Variants in WSCD2 observed in about 807,000 individuals in gnomAD.
WSCD2 encodes WSC domain sialate O sulfotransferase 2.
A neutral mutation model predicts 55.7 loss-of-function variants in WSCD2; 28 were observed. The ratio of observed to expected loss-of-function variants is 0.50; its 90% CI spans 0.37 to 0.69. The LOEUF (loss-of-function observed/expected upper bound fraction) is 0.69, where lower values mean the gene tolerates loss of function less well. Among genes scored for constraint, WSCD2 ranks in the 30% least tolerant of loss-of-function variants. The pLI is 0.00. For missense variants in WSCD2, 616 were observed against 762.1 expected, an observed-to-expected ratio of 0.81 and a Z score of 2.26; for synonymous variants, 301 against 301.9, an observed-to-expected ratio of 1.00 and a Z score of 0.03.
At chr12:108,135,117 C>T (rs1185880538) in intron 1 of WSCD2, among the ~76,000 whole-genome samples, 3 of 151,560 alleles carry the variant, frequency 2.0e-5, no homozygotes. Context: ...TTTCTTCAGC[C>T]ATCCATCCTT....
At chr12:108,163,852 T>C (rs529341255) in intron 1 of WSCD2, among the ~76,000 whole-genome samples, 1 of 151,278 alleles carries the variant, frequency 6.6e-6, no homozygotes, top group East Asian at 1.9e-4. Context: ...AATGAACTTA[T>C]GTTTTTTTAA....
chr12:108,205,712 T>C (rs1885277914), intron 2 of WSCD2, among the ~76,000 whole-genome samples: 1 of 152,202 alleles, frequency 6.6e-6, no homozygotes, highest in African/African-American at 2.4e-5. Context: ...GGTAGAAACT[T>C]TTACATAAAT....
intron 4 of WSCD2, among the ~76,000 whole-genome samples, chr12:108,212,322 G>A (rs73199543): frequency 0.015 from 2,278 of 152,182 alleles, 16 homozygotes; most frequent in Non-Finnish European, 0.022. Context: ...TGAAAGTCAG[G>A]GATATTTATA....
At position 108,210,197 on chromosome 12, in the gene WSCD2, G is replaced by A. The variant is rs767974582; in HGVS notation, c.574G>A (p.Glu192Lys). The change falls in exon 4 of 9, where the codon GAG becomes AAG. Residue 192 changes from glutamate to lysine, a missense_variant. Physicochemically the swap from Glu to Lys is moderately conservative, Grantham distance 56 (BLOSUM62 1). This residue lies in a region of WSCD2 where 374 missense variants were observed against 467.4 expected (regional missense o/e 0.80). Coordinates refer to ENST00000547525, the MANE Select transcript of WSCD2 (RefSeq NM_014653.4). The surrounding 1 kb of genome is among the most constrained non-coding windows in gnomAD (Gnocchi z 4.3). ...GHKIQATNVSEAECDMECKGE... is the reference protein window; with the variant it reads ...GHKIQATNVSKAECDMECKGE... ...CAAGATCCAGGCGACGAACGTGAGC[G>A]AGGCAGAGTGCGACATGGAGTGCAA... The A allele has an allele frequency of 6.2e-6, 10 of 1,614,074 alleles. No homozygotes were observed. Among genetic ancestry groups the A allele is most frequent in the East Asian group, 2.2e-5 (1 of 44,876 alleles).
intron 1 of WSCD2, 108 bp downstream of exon 1, chr12:108,130,034 C>T (rs1306540875): frequency 6.6e-6 from 1 of 152,316 alleles, no homozygotes; most frequent in South Asian, 2.1e-4. Flanking sequence ...GCTTTCCAGA[C>T]GCTTCCCCGC....
chr12:108,231,175 G>A (rs1888707924), intron 6 of WSCD2, among the ~76,000 whole-genome samples: 1 of 152,090 alleles, frequency 6.6e-6, no homozygotes, highest in African/African-American at 2.4e-5. Context: ...GGGAGGTGAG[G>A]GAGGTTTGCC....
At chr12:108,179,706 T>C (rs1184817881) in intron 1 of WSCD2, among the ~76,000 whole-genome samples, 2 of 152,092 alleles carry the variant, frequency 1.3e-5, no homozygotes, top group Non-Finnish European at 2.9e-5. Context: ...GCCACTAAAA[T>C]CCCTCTGGAG....
intron 1 of WSCD2, among the ~76,000 whole-genome samples, chr12:108,176,909 T>A: frequency 6.6e-6 from 1 of 152,168 alleles, no homozygotes; most frequent in South Asian, 2.1e-4. Flanking sequence ...GTGAAAGCGA[T>A]TAGAAGTGAC....
chr12:108,165,535 C>T (rs1879519022), intron 1 of WSCD2, among the ~76,000 whole-genome samples: 1 of 152,170 alleles, frequency 6.6e-6, no homozygotes, highest in Non-Finnish European at 1.5e-5. Flanking sequence ...CCAGTCTACT[C>T]AGCATTTTGT....
intron 1 of WSCD2, among the ~76,000 whole-genome samples, chr12:108,176,603 T>A (rs1032796690): frequency 6.6e-6 from 1 of 152,252 alleles, no homozygotes; most frequent in African/African-American, 2.4e-5. Flanking sequence ...AAAGTTGCTA[T>A]AAATATTTGC....
chr12:108,240,386 T>A lies in WSCD2; in HGVS notation c.1187T>A (p.Ile396Asn). Residue 396 changes from isoleucine to asparagine, a missense_variant, in exon 8 of 9, where the codon ATC becomes AAC. Ile to Asn is a moderately radical substitution (Grantham distance 149). Around this residue, in one of 3 missense-constraint regions of WSCD2, gnomAD observed 234 missense variants for 264.6 expected, o/e 0.88. Coordinates refer to ENST00000547525, the MANE Select transcript of WSCD2 (RefSeq NM_014653.4). ...ERDHWRSGRT[I>N]CIKTHESGQK... is the part of the protein sequence containing the mutation. ...GACCACTGGCGCAGCGGACGGACCA[T>A]CTGCATCAAGACGCACGAAAGCGGC... 6.2e-7 allele frequency: 1 copy of A among 1,614,122 alleles called. No individual in the cohort carries two copies. Among genetic ancestry groups the A allele is most frequent in the Non-Finnish European group, 8.5e-7 (1 of 1,180,026 alleles).
chr12:108,170,170 A>C (rs1880087260), intron 1 of WSCD2, among the ~76,000 whole-genome samples: 1 of 87,060 alleles, frequency 1.1e-5, no homozygotes. Context: ...CTTCCAAACA[A>C]GAACCACCTT....
intron 3 of WSCD2, among the ~76,000 whole-genome samples, chr12:108,208,793 T>C (rs1442349291): frequency 6.6e-6 from 1 of 152,230 alleles, no homozygotes; most frequent in African/African-American, 2.4e-5. Context: ...TCTACATTCA[T>C]TCTATGAATG....
intron 1 of WSCD2, among the ~76,000 whole-genome samples, chr12:108,147,165 A>T (rs1320027139): frequency 6.6e-6 from 1 of 152,198 alleles, no homozygotes; most frequent in African/African-American, 2.4e-5. Flanking sequence ...AGAAGCTCTG[A>T]TGCCCACCTG....
chr12:108,247,923 A>G (rs1393003855), intron 8 of WSCD2, 68 bp from the exon 9 acceptor site: 1 of 1,519,916 alleles, frequency 6.6e-7, no homozygotes, highest in Non-Finnish European at 9.0e-7. Flanking sequence ...AACCACTGCC[A>G]GCACCATCTG....
chr12:108,248,586 G>A lies in WSCD2; in HGVS notation c.*243G>A. The A allele has an allele frequency of 7.7e-7, 1 of 1,306,690 alleles. No homozygotes were observed. The highest frequency in any genetic ancestry group is 2.1e-5 in the South Asian group (1 of 47,394). The allele number at this position is 1,306,690 out of a possible 1,614,324, so 80.9% of individuals were successfully genotyped here. On this transcript the variant is annotated 3_prime_UTR_variant, in exon 9 of 9. Transcript: ENST00000547525. The surrounding 1 kb of genome is among the most constrained non-coding windows in gnomAD (Gnocchi z 4.3). ...CAATGTGGGGCATCTTGTTTAGGGGGTTCTAGTTACATGGACTCTTTTCTG... is the reference window on the plus strand; with the variant it reads ...CAATGTGGGGCATCTTGTTTAGGGGATTCTAGTTACATGGACTCTTTTCTG...
rs3940422 is a variant in WSCD2 at position 108,205,864 on chromosome 12, A to G, written c.383-425A>G. Among the ~76,000 whole-genome samples, 1,226 of 152,350 alleles carry G rather than the reference A, an allele frequency of 8.0e-3. 17 individuals are homozygous for G. The highest frequency in any genetic ancestry group is 0.028 in the African/African-American group (1,184 of 41,580). On this transcript the variant is annotated intron_variant, in intron 2 of 8. Transcript: ENST00000547525. The stretch of plus-strand genomic sequence containing the variant: ...GAAATGAGGACCTAGACCTTGAGAT[A>G]GCTAAGTCCAGGGCACTTTCCAAAG...
rs145698534 is a variant in WSCD2 at position 108,162,129 on chromosome 12, G to A, written c.-552+32203G>A. ...CCAGTCCATGCTAAGGCCTGCCCTTGGCCACAGAATACTGGTGAGGGTGGA... is the reference window on the plus strand; with the variant it reads ...CCAGTCCATGCTAAGGCCTGCCCTTAGCCACAGAATACTGGTGAGGGTGGA... On this transcript the variant is annotated intron_variant, in intron 1 of 8. Transcript: ENST00000547525. 6.6e-5 allele frequency among the ~76,000 whole-genome samples: 10 copies of A among 152,280 alleles called. No individual in the cohort carries two copies. The East Asian group carries it at 1.7e-3, about 27-fold the overall frequency.
chr12:108,200,655 C>A (rs780724483), intron 2 of WSCD2, among the ~76,000 whole-genome samples: 1 of 152,160 alleles, frequency 6.6e-6, no homozygotes, highest in Non-Finnish European at 1.5e-5. Context: ...ATTAAAAGTT[C>A]TTCTACAATA....
Sources: gnomAD v4.1 joint callset for allele counts (sites outside exome capture counted in the v4.1 genomes callset) on GRCh38, gnomAD v4.1.1 for gene constraint, gnomAD v4.1.1 regional missense constraint, Gnocchi (gnomAD v3.1) non-coding constraint, MANE v1.5 for transcripts, NCBI Gene and HGNC (gene_info 2026-07-23, HGNC 2026-07-21) for gene names.